The following JAM3 variants were observed in gnomAD, a reference collection of about 807,000 sequenced individuals.
JAM3 encodes the protein junctional adhesion molecule 3.
JAM3 carries 31 observed loss-of-function variants against 39.4 expected under a neutral mutation model. The ratio of observed to expected loss-of-function variants is 0.79; its 90% CI spans 0.59 to 1.06. The LOEUF is 1.06. JAM3 is among the 50% of genes least tolerant of loss of function. The pLI is 0.00. For synonymous variants in JAM3, 182 were observed against 148.7 expected, an observed-to-expected ratio of 1.22 and a Z score of -1.63; for missense variants, 455 against 391.4, an observed-to-expected ratio of 1.16 and a Z score of -1.37.
intron 1 of JAM3, among the ~76,000 whole-genome samples, chr11:134,103,706 T>C (rs943769103): frequency 2.3e-4 from 35 of 151,458 alleles, no homozygotes; most frequent in African/African-American, 8.0e-4. Context: ...AAGGCAGGGG[T>C]TGCAATCCTA....
At chr11:134,140,613 C>A (rs1261044561) in intron 2 of JAM3, 44 bp from the exon 3 acceptor site, 2 of 1,478,502 alleles carry the variant, frequency 1.4e-6, no homozygotes, top group Admixed American at 3.3e-5. Context: ...AACGTAGAAG[C>A]ACTCCACATT....
Position 134,144,290 on chromosome 11 carries a change from C to G in JAM3, c.306C>G (p.Ile102Met), listed in dbSNP as rs771159725. The G allele has an allele frequency of 6.2e-7, 1 of 1,614,040 alleles. No individual in the cohort carries two copies. Among genetic ancestry groups the G allele is most frequent in the Non-Finnish European group, 8.5e-7 (1 of 1,180,024 alleles). Residue 102 changes from isoleucine to methionine, a missense_variant, in exon 4 of 9, where the codon ATC becomes ATG. Coordinates refer to ENST00000299106, the MANE Select transcript of JAM3 (RefSeq NM_032801.5). The stretch of plus-strand genomic sequence containing the variant: ...TACTGGGGAAGACATCCCTGAAGAT[C>G]TGGAATGTGACACGGAGAGACTCAG... ...AEILGKTSLKIWNVTRRDSAL... is the reference protein window; with the variant it reads ...AEILGKTSLKMWNVTRRDSAL...
chr11:134,123,788 T>G (rs1942584361), intron 1 of JAM3: 2 of 719,968 alleles, frequency 2.8e-6, no homozygotes, highest in East Asian at 5.0e-5. Flanking sequence ...TCCCTCTAAA[T>G]GCCACAATCA....
chr11:134,123,404 A>G (rs1942575486), intron 1 of JAM3, among the ~76,000 whole-genome samples: 1 of 152,002 alleles, frequency 6.6e-6, no homozygotes, highest in South Asian at 2.1e-4. Context: ...AAAGGGAAAA[A>G]GATCCCACCA....
At chr11:134,139,976 G>A (rs962357230) in intron 2 of JAM3, 60 bp downstream of exon 2, 10 of 1,301,960 alleles carry the variant, frequency 7.7e-6, no homozygotes, top group South Asian at 1.2e-5. Flanking sequence ...TTGATGTCTT[G>A]CAGCCAACTC....
chr11:134,127,316 C>T (rs1942668587), intron 1 of JAM3, among the ~76,000 whole-genome samples: 1 of 152,250 alleles, frequency 6.6e-6, no homozygotes, highest in African/African-American at 2.4e-5. Context: ...ATCATTTTCA[C>T]TTCCTTCCCT....
intron 1 of JAM3, among the ~76,000 whole-genome samples, chr11:134,127,964 A>G (rs1039196804): frequency 1.1e-4 from 17 of 152,132 alleles, no homozygotes; most frequent in Admixed American, 9.8e-4. Flanking sequence ...TCTTGTTGGG[A>G]ACCAAGTGCC....
chr11:134,144,007 G>A (rs143484287), intron 3 of JAM3, among the ~76,000 whole-genome samples: 75 of 152,216 alleles, frequency 4.9e-4, no homozygotes, highest in African/African-American at 1.7e-3. Flanking sequence ...GGAGACACAT[G>A]GTAATGAGTG....
At chr11:134,123,375 C>G (rs767800782) in intron 1 of JAM3, among the ~76,000 whole-genome samples, 1 of 151,834 alleles carries the variant, frequency 6.6e-6, no homozygotes, top group Non-Finnish European at 1.5e-5. Context: ...AAATACACCA[C>G]CACCCCCCCC....
intron 1 of JAM3, among the ~76,000 whole-genome samples, chr11:134,125,481 T>G (rs1191836818): frequency 5.3e-5 from 8 of 152,232 alleles, no homozygotes; most frequent in Admixed American, 2.0e-4. Flanking sequence ...GATTTTAATA[T>G]TGTATTTCTT....
At chr11:134,143,525 C>T (rs976653050) in intron 3 of JAM3, among the ~76,000 whole-genome samples, 2 of 152,214 alleles carry the variant, frequency 1.3e-5, no homozygotes, top group African/African-American at 4.8e-5. Context: ...TGCACCACTG[C>T]ACCCACCCTT....
chr11:134,118,294 G>A (rs1942474182), intron 1 of JAM3, among the ~76,000 whole-genome samples: 1 of 152,114 alleles, frequency 6.6e-6, no homozygotes. Flanking sequence ...TAATTGGTCT[G>A]ACTGGTCTGC....
intron 1 of JAM3, among the ~76,000 whole-genome samples, chr11:134,113,218 C>G (rs1591790084): frequency 6.8e-6 from 1 of 146,048 alleles, no homozygotes; most frequent in Non-Finnish European, 1.5e-5. Flanking sequence ...TTTTTTAATA[C>G]TTTAAGGGTA....
At chr11:134,144,143 C>A in intron 3 of JAM3, 98 bp from the exon 4 acceptor site, 1 of 1,158,148 alleles carries the variant, frequency 8.6e-7, no homozygotes, top group Non-Finnish European at 1.3e-6. Flanking sequence ...TGCAGGCTTC[C>A]TTGCTGTGGC....
At chr11:134,143,886 T>C (rs1363907622) in intron 3 of JAM3, among the ~76,000 whole-genome samples, 1 of 152,244 alleles carries the variant, frequency 6.6e-6, no homozygotes, top group African/African-American at 2.4e-5. Flanking sequence ...TCAAGTTATC[T>C]CAGCATCATT....
intron 1 of JAM3, among the ~76,000 whole-genome samples, chr11:134,111,293 C>T (rs951232884): frequency 6.6e-6 from 1 of 151,744 alleles, no homozygotes; most frequent in Non-Finnish European, 1.5e-5. Flanking sequence ...ACAGGCCCGC[C>T]ACCACGCCCT....
chr11:134,108,084 GAAAC>G (rs1201875555), intron 1 of JAM3, among the ~76,000 whole-genome samples: 1 of 151,784 alleles, frequency 6.6e-6, no homozygotes, highest in Non-Finnish European at 1.5e-5. Context: ...ATAGAGAAAA[GAAAC>G]AAGTTAACAA....
At chr11:134,124,620 T>G (rs1160592419) in intron 1 of JAM3, among the ~76,000 whole-genome samples, 1 of 152,186 alleles carries the variant, frequency 6.6e-6, no homozygotes, top group Non-Finnish European at 1.5e-5. Flanking sequence ...TTACTACATT[T>G]AGGCACTAGT....
rs146763394 is a variant in JAM3 at position 134,146,675 on chromosome 11, C to G, written c.712+630C>G. 6.0e-3 allele frequency among the ~76,000 whole-genome samples: 912 copies of G among 152,240 alleles called. 6 individuals are homozygous for G. The highest frequency in any genetic ancestry group is 0.021 in the African/African-American group (863 of 41,552). Reference sequence around the variant, plus strand: ...CCTCAAACCCAGCCTTCAAGCCATTCTCCCACCTCAGTCTCCTGAGTAGCT... The same window carrying G: ...CCTCAAACCCAGCCTTCAAGCCATTGTCCCACCTCAGTCTCCTGAGTAGCT... On this transcript the variant is annotated intron_variant, in intron 6 of 8. Coordinates refer to ENST00000299106, the MANE Select transcript of JAM3 (RefSeq NM_032801.5).
Sources: allele counts gnomAD v4.1 joint callset (sites outside exome capture counted in the v4.1 genomes callset), GRCh38; gene constraint gnomAD v4.1.1; transcripts MANE v1.5; gene names NCBI Gene and HGNC (gene_info 2026-07-23, HGNC 2026-07-21).